The following CCNY variants were observed in gnomAD, a reference collection of about 807,000 sequenced individuals.
CCNY encodes cyclin Y, also known as cyclin-Y.
CCNY carries 19 observed loss-of-function variants against 42.8 expected under a neutral mutation model. The observed-to-expected ratio is 0.44, with a 90% CI of 0.31 to 0.65. CCNY has a LOEUF of 0.65. Among genes scored for constraint, CCNY ranks in the 30% least tolerant of loss-of-function variants. CCNY has a pLI of 0.07. For synonymous variants in CCNY, 165 were observed against 162.7 expected, an observed-to-expected ratio of 1.01 and a Z score of -0.11; for missense variants, 370 against 437.3, an observed-to-expected ratio of 0.85 and a Z score of 1.37.
At chr10:35,532,199 C>T (rs1055152128) in intron 7 of CCNY, among the ~76,000 whole-genome samples, 4 of 152,212 alleles carry the variant, frequency 2.6e-5, no homozygotes, top group East Asian at 1.9e-4. Flanking sequence ...GGCACAGAGA[C>T]GTGTGCCTTG....
At chr10:35,416,842 T>G (rs1838035223) in intron 1 of CCNY, among the ~76,000 whole-genome samples, 1 of 152,114 alleles carries the variant, frequency 6.6e-6, no homozygotes, top group Non-Finnish European at 1.5e-5. Context: ...AATCAACTCT[T>G]CAGACAGGTG....
chr10:35,517,733 A>C (rs572596595), intron 4 of CCNY, among the ~76,000 whole-genome samples: 3 of 152,262 alleles, frequency 2.0e-5, no homozygotes, highest in Admixed American at 2.0e-4. Flanking sequence ...TCAGCACCGG[A>C]GTGCACGGGA....
At chr10:35,259,059 A>G (rs2095717532) in intron 3 of CCNY, among the ~76,000 whole-genome samples, 1 of 152,180 alleles carries the variant, frequency 6.6e-6, no homozygotes, top group African/African-American at 2.4e-5. Context: ...TTACCATCTA[A>G]GTCATTCTGC....
intron 8 of CCNY, among the ~76,000 whole-genome samples, chr10:35,554,714 C>T (rs1027797249): frequency 2.0e-5 from 3 of 152,154 alleles, no homozygotes; most frequent in Non-Finnish European, 4.4e-5. Flanking sequence ...GGCCCCCCGA[C>T]CATGACTAGG....
chr10:35,383,944 G>A (rs1837247496), intron 1 of CCNY, among the ~76,000 whole-genome samples: 1 of 151,384 alleles, frequency 6.6e-6, no homozygotes, highest in African/African-American at 2.4e-5. Context: ...TGTGGGGAAT[G>A]AGAGTAAGAA....
intron 1 of CCNY, among the ~76,000 whole-genome samples, chr10:35,351,027 A>G (rs1836418132): frequency 1.3e-5 from 2 of 152,228 alleles, no homozygotes; most frequent in African/African-American, 4.8e-5. Flanking sequence ...GTTTGAAAAC[A>G]TTTAGTCAAC....
chr10:35,339,420 A>AGT (rs1037096558), intron 1 of CCNY, among the ~76,000 whole-genome samples: 4 of 152,172 alleles, frequency 2.6e-5, no homozygotes, highest in Non-Finnish European at 4.4e-5. Context: ...AATTAAATAG[A>AGT]GTGTATATAT....
At chr10:35,469,968 ACAG>A in intron 1 of CCNY, among the ~76,000 whole-genome samples, 2 of 147,710 alleles carry the variant, frequency 1.4e-5, no homozygotes, top group African/African-American at 2.5e-5. Context: ...GGAGAGACAG[ACAG>A]GGAGATAGGG....
intron 3 of CCNY, among the ~76,000 whole-genome samples, chr10:35,503,763 G>T (rs1031148403): frequency 1.3e-5 from 2 of 152,206 alleles, no homozygotes; most frequent in African/African-American, 4.8e-5. Context: ...GAGGCACAAA[G>T]AAGTTAGCCA....
At chr10:35,519,668 T>A (rs7072088) in intron 4 of CCNY, among the ~76,000 whole-genome samples, 9,092 of 145,856 alleles carry the variant, frequency 0.062, 822 homozygotes, top group African/African-American at 0.2. Flanking sequence ...CAGTGTAGAT[T>A]CTGGGCTTCC....
In CCNY at chr10:35,530,251, C is replaced by G; in HGVS notation, c.579+8C>G. The G allele has an allele frequency of 6.2e-7, 1 of 1,614,014 alleles. No individual in the cohort carries two copies. Among genetic ancestry groups the G allele is most frequent in the Non-Finnish European group, 8.5e-7 (1 of 1,179,994 alleles). On this transcript the variant is annotated splice_region_variant and intron_variant, in intron 7 of 9. Coordinates refer to ENST00000374704, the MANE Select transcript of CCNY (RefSeq NM_145012.6). This position sits in a 1 kb window ranked among gnomAD's most constrained non-coding sequence, Gnocchi z 4.3. ...TGTGCCATCGTCACCCTGGTGAGTGCCCTCAGGATGGCCACACCCATCCCC... is the reference window on the plus strand; with the variant it reads ...TGTGCCATCGTCACCCTGGTGAGTGGCCTCAGGATGGCCACACCCATCCCC...
At chr10:35,526,166 C>T (rs1564446136) in intron 5 of CCNY, among the ~76,000 whole-genome samples, 167 bp downstream of exon 5, 1 of 152,146 alleles carries the variant, frequency 6.6e-6, no homozygotes, top group Non-Finnish European at 1.5e-5. Context: ...CAGGTAAGTG[C>T]TGAACTGCTT....
rs976004976 is a variant in CCNY, at chr10:35,460,318, G to A, written c.155-23086G>A. ...GAGAAACACAGTGGTGATGCCCCCT[G>A]GCCCTCAGGGTCCCACCTTGTTGAA... is the stretch of plus-strand genomic sequence containing the variant. On this transcript the variant is annotated intron_variant, in intron 1 of 9. Transcript: ENST00000374704. 2.0e-5 allele frequency among the ~76,000 whole-genome samples: 3 copies of A among 152,198 alleles called. No homozygotes were observed. In the East Asian group the frequency reaches 5.8e-4, roughly 29 times the overall value.
At chr10:35,400,726 G>A (rs1295474501) in intron 1 of CCNY, among the ~76,000 whole-genome samples, 3 of 152,078 alleles carry the variant, frequency 2.0e-5, no homozygotes, top group Admixed American at 2.0e-4. Context: ...GAAAGCAAGG[G>A]CGTGTTTTCT....
intron 3 of CCNY, among the ~76,000 whole-genome samples, chr10:35,279,111 T>C (rs1010935960): frequency 3.2e-5 from 3 of 93,606 alleles, no homozygotes; most frequent in African/African-American, 1.7e-4. Context: ...GCTTTCAATG[T>C]TTTTTTTTTT....
At chr10:35,404,679 G>A (rs762506528) in intron 1 of CCNY, among the ~76,000 whole-genome samples, 8 of 152,110 alleles carry the variant, frequency 5.3e-5, no homozygotes, top group African/African-American at 1.9e-4. Context: ...ATCTAAAGGT[G>A]AAAGTATCCA....
At chr10:35,259,316 TG>T (rs747789230) in intron 3 of CCNY, among the ~76,000 whole-genome samples, 17 of 152,004 alleles carry the variant, frequency 1.1e-4, no homozygotes, top group Admixed American at 2.0e-4. Context: ...TAGGGTCAAG[TG>T]ATCCTCCCAC....
intron 8 of CCNY, among the ~76,000 whole-genome samples, chr10:35,555,941 A>G (rs1184533955): frequency 6.6e-6 from 1 of 152,240 alleles, no homozygotes; most frequent in Non-Finnish European, 1.5e-5. Context: ...ACTGTATTGA[A>G]TGAAGCTGCT....
chr10:35,368,994 T>A (rs1260355940), intron 1 of CCNY, among the ~76,000 whole-genome samples: 1 of 152,222 alleles, frequency 6.6e-6, no homozygotes, highest in Non-Finnish European at 1.5e-5. Flanking sequence ...TTTTCTGGTG[T>A]ACAGGAAGGA....
Sources: allele counts gnomAD v4.1 joint callset (sites outside exome capture counted in the v4.1 genomes callset), GRCh38; gene constraint gnomAD v4.1.1; non-coding constraint Gnocchi (gnomAD v3.1); transcripts MANE v1.5; gene names NCBI Gene and HGNC (gene_info 2026-07-23, HGNC 2026-07-21).